RBFOX1: variants seen among roughly 807,000 people sequenced by gnomAD.
The protein encoded by RBFOX1 is RNA binding protein fox-1 homolog 1.
Under a neutral mutation model 57.7 loss-of-function variants are expected in RBFOX1, and 8 were observed. The observed-to-expected ratio is 0.14, with a 90% confidence interval of 0.08 to 0.25. The LOEUF (loss-of-function observed/expected upper bound fraction) is 0.25. Ranked by LOEUF, RBFOX1 falls within the 10% of genes least tolerant of loss-of-function variation. The probability of loss-of-function intolerance (pLI) is 1.00; values close to 1 mark genes in which losing one functional copy is unlikely to be tolerated. For missense variants in RBFOX1, 611 were observed against 548.5 expected (o/e 1.11, Z -1.14); for synonymous variants, 326 against 222.4 (o/e 1.47, Z -4.15).
chr16:7,360,647 G>C (rs2097303011), intron 4 of RBFOX1, among the ~76,000 whole-genome samples: 1 of 152,172 alleles, frequency 6.6e-6, no homozygotes, highest in Non-Finnish European at 1.5e-5. Flanking sequence ...ATGATACAAA[G>C]TTCCTCTCCC....
intron 2 of RBFOX1, among the ~76,000 whole-genome samples, chr16:6,475,501 G>A (rs569646859): frequency 6.6e-6 from 1 of 152,184 alleles, no homozygotes; most frequent in Admixed American, 6.5e-5. Flanking sequence ...GGTGATTCAT[G>A]CATTTGTCTA....
At chr16:6,842,991 G>A (rs760498549) in intron 3 of RBFOX1, among the ~76,000 whole-genome samples, 1 of 152,118 alleles carries the variant, frequency 6.6e-6, no homozygotes, top group East Asian at 1.9e-4. Flanking sequence ...TCCTTGCAAA[G>A]GATATGATCT....
Position 7,225,905 on chromosome 16 carries a change from A to AATAAATAAATAT in RBFOX1, c.27+173810_27+173811insAATAAATATATA, listed in dbSNP as rs66510060. 4.2e-4 allele frequency among the ~76,000 whole-genome samples: 39 copies of AATAAATAAATAT among 93,734 alleles called. 1 individual carries two copies. Among genetic ancestry groups the AATAAATAAATAT allele is most frequent in the Middle Eastern group, 5.5e-3 (1 of 182 alleles). 61.5% of individuals were successfully genotyped at this position (93,734 alleles called of 152,430 possible). ...GTACCCTAGAACTTAAAGTATAATA[A>AATAAATAAATAT]ATATATATATATATAAATGTGAATG... On this transcript the variant is annotated intron_variant, in intron 4 of 15. Coordinates refer to ENST00000550418, the MANE Select transcript of RBFOX1 (RefSeq NM_018723.4).
intron 2 of RBFOX1, among the ~76,000 whole-genome samples, chr16:6,508,081 G>T (rs543454370): frequency 5.3e-5 from 8 of 152,246 alleles, no homozygotes; most frequent in African/African-American, 1.9e-4. Flanking sequence ...AATGGAGCTG[G>T]AGGTCATTAT....
chr16:6,605,489 C>T (rs1158268301), intron 2 of RBFOX1, among the ~76,000 whole-genome samples: 1 of 152,092 alleles, frequency 6.6e-6, no homozygotes, highest in Non-Finnish European at 1.5e-5. Context: ...GTCTTAACCC[C>T]CAAAGAGAGA....
intron 3 of RBFOX1, among the ~76,000 whole-genome samples, chr16:7,037,073 TGGTTTTGGTG>T (rs1215842536): frequency 6.6e-6 from 1 of 152,050 alleles, no homozygotes; most frequent in African/African-American, 2.4e-5. Context: ...GTCACCATCT[TGGTTTTGGTG>T]GGTTTTGGCT....
intron 1 of RBFOX1, among the ~76,000 whole-genome samples, chr16:6,188,418 CAAAAAAA>C (rs57875210): frequency 8.1e-6 from 1 of 124,142 alleles, no homozygotes; most frequent in Non-Finnish European, 1.7e-5. Flanking sequence ...TTGTTTTAGC[CAAAAAAA>C]AAAAAAAAAA....
chr16:6,837,688 T>G (rs11077091), intron 3 of RBFOX1, among the ~76,000 whole-genome samples: 6,154 of 152,302 alleles, frequency 0.04, 317 homozygotes, highest in East Asian at 0.15. Flanking sequence ...AATTAAATAA[T>G]GTGCTAATCA....
At chr16:6,762,373 G>C (rs1221600559) in intron 3 of RBFOX1, among the ~76,000 whole-genome samples, 1 of 152,036 alleles carries the variant, frequency 6.6e-6, no homozygotes. Context: ...ACCCTTACTA[G>C]TGCACTTAGA....
intron 10 of RBFOX1, among the ~76,000 whole-genome samples, chr16:7,613,327 G>C (rs1002902325): frequency 1.3e-5 from 2 of 152,168 alleles, no homozygotes; most frequent in Non-Finnish European, 2.9e-5. Flanking sequence ...AAGGTGGTCA[G>C]GTCTTGAAAC....
chr16:5,367,897 G>C (rs993892923), intron 1 of RBFOX1, among the ~76,000 whole-genome samples: 1 of 151,906 alleles, frequency 6.6e-6, no homozygotes, highest in African/African-American at 2.4e-5. Flanking sequence ...TTAAATGACA[G>C]GACTCTGGAC....
chr16:5,979,774 A>T (rs929222421), intron 4 of RBFOX1, among the ~76,000 whole-genome samples: 8 of 152,198 alleles, frequency 5.3e-5, no homozygotes, highest in Non-Finnish European at 1.0e-4. Flanking sequence ...AGTTAGGAGA[A>T]TCGCTTGAAC....
At position 6,552,767 on chromosome 16, in the gene RBFOX1, C is replaced by T. The variant is rs577112210; in HGVS notation, c.-63-101836C>T. 2.0e-5 allele frequency among the ~76,000 whole-genome samples: 3 copies of T among 151,584 alleles called. No individual in the cohort carries two copies. In the East Asian group the frequency reaches 5.8e-4, roughly 29 times the overall value. On this transcript the variant is annotated intron_variant, in intron 2 of 15. Coordinates refer to ENST00000550418, the MANE Select transcript of RBFOX1 (RefSeq NM_018723.4). Reference sequence around the variant, plus strand: ...AAAAATTATATAGAAAATGTACACACATATAAATACACATACAATTATATG... The same window carrying T: ...AAAAATTATATAGAAAATGTACACATATATAAATACACATACAATTATATG...
At chr16:7,202,702 C>G (rs898024031) in intron 4 of RBFOX1, among the ~76,000 whole-genome samples, 3 of 152,152 alleles carry the variant, frequency 2.0e-5, no homozygotes, top group Non-Finnish European at 4.4e-5. Flanking sequence ...CTTTTGTGAA[C>G]TCTGCATGTG....
chr16:7,463,204 T>C (rs539564996), intron 4 of RBFOX1, among the ~76,000 whole-genome samples: 1 of 152,226 alleles, frequency 6.6e-6, no homozygotes, highest in South Asian at 2.1e-4. Context: ...GGAGTGTCTT[T>C]TAAAAGGGCA....
intron 3 of RBFOX1, among the ~76,000 whole-genome samples, chr16:6,658,936 G>GTTTTTTTGT (rs775736061): frequency 1.8e-5 from 2 of 108,484 alleles, no homozygotes; most frequent in African/African-American, 3.2e-5. Context: ...TGGTTTTTTT[G>GTTTTTTTGT]TTTTTTTTGT....
chr16:7,261,848 G>C (rs1414216504), intron 4 of RBFOX1, among the ~76,000 whole-genome samples: 1 of 152,118 alleles, frequency 6.6e-6, no homozygotes. Context: ...CCAAAGTCTT[G>C]GATTCATTTG....
At chr16:6,152,621 A>T (rs2096805512) in intron 1 of RBFOX1, among the ~76,000 whole-genome samples, 2 of 152,208 alleles carry the variant, frequency 1.3e-5, no homozygotes. Flanking sequence ...TACACTAGAA[A>T]TATTACTACA....
At chr16:7,142,448 G>A (rs932441217) in intron 4 of RBFOX1, among the ~76,000 whole-genome samples, 2 of 152,110 alleles carry the variant, frequency 1.3e-5, no homozygotes, top group African/African-American at 2.4e-5. Context: ...TACCGCAGGC[G>A]ACTCTGGCTT....
Sources: gnomAD v4.1 joint callset for allele counts (sites outside exome capture counted in the v4.1 genomes callset) on GRCh38, gnomAD v4.1.1 for gene constraint, MANE v1.5 for transcripts, NCBI Gene and HGNC (gene_info 2026-07-23, HGNC 2026-07-21) for gene names.